The following GRIA1 variants were observed in gnomAD, a reference collection of about 807,000 sequenced individuals.
GRIA1 encodes the protein glutamate ionotropic receptor AMPA type subunit 1.
In GRIA1, 31 loss-of-function variants were observed where a neutral mutation model predicts 99.2. The observed-to-expected ratio is 0.31, with a 90% CI of 0.23 to 0.42. The LOEUF is 0.42. Among genes scored for constraint, GRIA1 ranks in the 10% least tolerant of loss-of-function variants. The pLI is 1.00. For missense variants in GRIA1, 782 were observed against 1,157.5 expected, an observed-to-expected ratio of 0.68 and a Z score of 4.71; for synonymous variants, 438 against 432.4, an observed-to-expected ratio of 1.01 and a Z score of -0.16.
intron 11 of GRIA1, among the ~76,000 whole-genome samples, chr5:153,754,062 A>T (rs1762664527): frequency 6.6e-6 from 1 of 152,314 alleles, no homozygotes; most frequent in Non-Finnish European, 1.5e-5. Flanking sequence ...GAGCAGGAAG[A>T]CAGAGGCCCA....
intron 13 of GRIA1, among the ~76,000 whole-genome samples, chr5:153,788,649 A>T (rs17524751): frequency 0.087 from 13,195 of 152,076 alleles, 821 homozygotes; most frequent in Non-Finnish European, 0.12. Context: ...TTCCTTTATA[A>T]CACTTCACAT....
intron 2 of GRIA1, among the ~76,000 whole-genome samples, chr5:153,561,784 C>T (rs1761150429): frequency 6.6e-6 from 1 of 152,124 alleles, no homozygotes; most frequent in Non-Finnish European, 1.5e-5. Context: ...GAGGTATATG[C>T]AAAGTGCTAT....
chr5:153,654,000 C>T (rs1007494122), intron 4 of GRIA1, among the ~76,000 whole-genome samples: 5 of 151,972 alleles, frequency 3.3e-5, no homozygotes, highest in Admixed American at 2.6e-4. Flanking sequence ...GGTGATGGAC[C>T]CCTTGTGAAA....
chr5:153,677,958 T>C (rs1035270408), intron 7 of GRIA1, among the ~76,000 whole-genome samples: 4 of 152,212 alleles, frequency 2.6e-5, no homozygotes, highest in African/African-American at 9.6e-5. Flanking sequence ...ATTTTTGTTC[T>C]GATGCCTCCT....
chr5:153,555,867 C>T (rs1168055712), intron 2 of GRIA1, among the ~76,000 whole-genome samples: 1 of 152,126 alleles, frequency 6.6e-6, no homozygotes, highest in Non-Finnish European at 1.5e-5. Context: ...AGCTAAAGAG[C>T]GATCTGACCT....
intron 2 of GRIA1, among the ~76,000 whole-genome samples, chr5:153,630,131 C>T (rs1000279388): frequency 1.3e-5 from 2 of 152,156 alleles, no homozygotes; most frequent in East Asian, 3.9e-4. Context: ...AGTACACCCT[C>T]TTAAGCTGTT....
intron 2 of GRIA1, among the ~76,000 whole-genome samples, chr5:153,568,780 ATC>A (rs1247935855): frequency 6.6e-6 from 1 of 152,110 alleles, no homozygotes; most frequent in Non-Finnish European, 1.5e-5. Flanking sequence ...AGCTCTCCGA[ATC>A]TCAAACTTCA....
At chr5:153,570,306 T>A (rs1172574769) in intron 2 of GRIA1, among the ~76,000 whole-genome samples, 1 of 152,204 alleles carries the variant, frequency 6.6e-6, no homozygotes, top group East Asian at 1.9e-4. Context: ...AGATGCTAAT[T>A]GGCTTTAACA....
At chr5:153,792,483 T>C (rs1436104143) in intron 13 of GRIA1, among the ~76,000 whole-genome samples, 2 of 152,236 alleles carry the variant, frequency 1.3e-5, no homozygotes, top group African/African-American at 4.8e-5. Flanking sequence ...AGTTCCCTTT[T>C]GTCCCTGCAC....
intron 2 of GRIA1, among the ~76,000 whole-genome samples, chr5:153,554,675 G>A (rs1444133807): frequency 6.6e-6 from 1 of 152,236 alleles, no homozygotes; most frequent in African/African-American, 2.4e-5. Context: ...TATATTTTTA[G>A]TAGAGACGGG....
At chr5:153,493,134 C>T (rs1411328365) in intron 1 of GRIA1, among the ~76,000 whole-genome samples, 1 of 152,176 alleles carries the variant, frequency 6.6e-6, no homozygotes, top group Non-Finnish European at 1.5e-5. Context: ...CCATCAGGCA[C>T]CTTTACTATA....
chr5:153,650,311 C>G lies in GRIA1; in HGVS notation c.461-19C>G, dbSNP rs1344534478. On this transcript the variant is annotated intron_variant, in intron 3 of 15. Transcript: ENST00000285900. ...ATCCTGACTGTCTGTCATTTCTCTTCTACTCATCTGAACTTTAGGCTTATC... is the reference window on the plus strand; with the variant it reads ...ATCCTGACTGTCTGTCATTTCTCTTGTACTCATCTGAACTTTAGGCTTATC... 1 of 1,607,306 alleles carries G rather than the reference C, an allele frequency of 6.2e-7. No homozygotes were observed. Among genetic ancestry groups the G allele is most frequent in the East Asian group, 2.2e-5 (1 of 44,732 alleles).
At chr5:153,505,727 A>G (rs972690819) in intron 2 of GRIA1, among the ~76,000 whole-genome samples, 1 of 152,278 alleles carries the variant, frequency 6.6e-6, no homozygotes, top group Non-Finnish European at 1.5e-5. Context: ...AATGACAGAC[A>G]TAGTCCTGGT....
Position 153,530,260 on chromosome 5 carries a change from C to A in GRIA1, c.220+36195C>A, listed in dbSNP as rs1421097619. ...TGGTAGAGTCTGTACTGGAACCCAG[C>A]ACTGTCCTGCATTTAACTGCTATGG... On this transcript the variant is annotated intron_variant, in intron 2 of 15. Coordinates refer to ENST00000285900, the MANE Select transcript of GRIA1 (RefSeq NM_000827.4). Among the ~76,000 whole-genome samples, 3 of 152,240 alleles carry A rather than the reference C, an allele frequency of 2.0e-5. No homozygotes were observed. In the East Asian group the frequency reaches 5.8e-4, roughly 29 times the overall value.
intron 2 of GRIA1, among the ~76,000 whole-genome samples, chr5:153,545,416 A>C (rs757848265): frequency 1.3e-5 from 2 of 152,122 alleles, no homozygotes; most frequent in Admixed American, 6.6e-5. Context: ...ACTGGGGGGA[A>C]GTTTGGGTAT....
Position 153,590,940 on chromosome 5 carries a change from C to T in GRIA1, c.221-55988C>T, listed in dbSNP as rs1051099478. On this transcript the variant is annotated intron_variant, in intron 2 of 15. Coordinates refer to ENST00000285900, the MANE Select transcript of GRIA1 (RefSeq NM_000827.4). ...AGTGTGAAATGGTCTAAGCATTGCC[C>T]CTTTAAATGGGGGTATTGTGTTAAT... Among the ~76,000 whole-genome samples the T allele has an allele frequency of 2.6e-5, 4 of 152,064 alleles. No homozygotes were observed. The South Asian group carries it at 6.2e-4, about 24-fold the overall frequency.
At position 153,699,133 on chromosome 5, in the gene GRIA1, A is replaced by T. The variant is rs1041231841; in HGVS notation, c.1452+60A>T. 23 of 1,254,592 alleles carry T rather than the reference A, an allele frequency of 1.8e-5. No homozygotes were observed. In the African/African-American group the frequency reaches 2.4e-4, roughly 13 times the overall value. The allele number at this position is 1,254,592 out of a possible 1,614,324, so 77.7% of individuals were successfully genotyped here. ...GAGGCAGAGGGTTTGACAGGAAATC[A>T]TTTGGTGGTTGGGTGGCCCTGCCCA... On this transcript the variant is annotated intron_variant, in intron 10 of 15. Transcript: ENST00000285900.
chr5:153,667,924 A>T (rs1755864673), intron 5 of GRIA1, among the ~76,000 whole-genome samples: 1 of 152,230 alleles, frequency 6.6e-6, no homozygotes, highest in Non-Finnish European at 1.5e-5. Context: ...TTGGCATATG[A>T]TAGATGGAGT....
In GRIA1 at chr5:153,547,959, C is replaced by A. The variant is rs183648275; in HGVS notation, c.220+53894C>A. On this transcript the variant is annotated intron_variant, in intron 2 of 15. Coordinates refer to ENST00000285900, the MANE Select transcript of GRIA1 (RefSeq NM_000827.4). ...CACTAAAGCCCCTTTAAAATATAAA[C>A]GTCCTAGATTTTTGACATACCCCAT... 1.4e-3 allele frequency among the ~76,000 whole-genome samples: 209 copies of A among 152,256 alleles called. 1 individual carries two copies. Among genetic ancestry groups the A allele is most frequent in the African/African-American group, 4.8e-3 (199 of 41,558 alleles).
Sources: gnomAD v4.1 joint callset for allele counts (sites outside exome capture counted in the v4.1 genomes callset) on GRCh38, gnomAD v4.1.1 for gene constraint, MANE v1.5 for transcripts, NCBI Gene and HGNC (gene_info 2026-07-23, HGNC 2026-07-21) for gene names.